Variants in PGBD5 observed in about 807,000 individuals in gnomAD.
PGBD5 encodes the protein piggyBac transposable element derived 5.
PGBD5 carries 14 observed loss-of-function variants against 47.9 expected under a neutral mutation model. The observed-to-expected ratio is 0.29, with a 90% CI of 0.19 to 0.46. The LOEUF (loss-of-function observed/expected upper bound fraction) is 0.46, where lower values mean the gene tolerates loss of function less well. Among genes scored for constraint, PGBD5 ranks in the 20% least tolerant of loss-of-function variants. PGBD5 has a pLI of 1.00. For synonymous variants in PGBD5, 316 were observed against 306.3 expected (o/e 1.03, Z -0.33); for missense variants, 635 against 716.0 (o/e 0.89, Z 1.29).
intron 3 of PGBD5, among the ~76,000 whole-genome samples, chr1:230,339,843 T>C (rs368536602): frequency 7.9e-5 from 12 of 152,028 alleles, no homozygotes; most frequent in African/African-American, 2.4e-4. Context: ...GGCTGGGGGA[T>C]GGAAGTGGGA....
chr1:230,397,209 C>T (rs1352743177), intron 1 of PGBD5, among the ~76,000 whole-genome samples: 4 of 152,236 alleles, frequency 2.6e-5, no homozygotes, highest in African/African-American at 4.8e-5. Flanking sequence ...CCCACTGTTC[C>T]CGCTCAGAAA....
At chr1:230,408,622 GT>G (rs1216700557) in intron 1 of PGBD5, among the ~76,000 whole-genome samples, 3 of 152,052 alleles carry the variant, frequency 2.0e-5, no homozygotes, top group Admixed American at 6.6e-5. Flanking sequence ...GGGAAAAGCA[GT>G]TTTTTTCAAT....
chr1:230,408,932 A>G (rs1403471372), intron 1 of PGBD5, among the ~76,000 whole-genome samples: 1 of 152,200 alleles, frequency 6.6e-6, no homozygotes, highest in Non-Finnish European at 1.5e-5. Flanking sequence ...ACTAAATGGA[A>G]GAAAAAACTT....
rs1666941636 is a variant in PGBD5 at position 230,316,080 on chromosome 1, ATG to A, written c.*7343_*7344del. ...TATGTATGTGTATACATACATGTTT[ATG>A]TGTATACATACATATGTTTATGTGT... On this transcript the variant is annotated 3_prime_UTR_variant, in exon 7 of 7. Transcript: ENST00000391860. 7.1e-6 allele frequency: 1 copy of A among 140,306 alleles called. No homozygotes were observed. The highest frequency in any genetic ancestry group is 2.6e-5 in the African/African-American group (1 of 38,712). 8.7% of individuals were successfully genotyped at this position (140,306 alleles called of 1,614,324 possible).
At chr1:230,391,809 C>T (rs530885002) in intron 1 of PGBD5, among the ~76,000 whole-genome samples, 3 of 152,148 alleles carry the variant, frequency 2.0e-5, no homozygotes, top group African/African-American at 7.2e-5. Flanking sequence ...ATTAAGCAGC[C>T]CCAAACACCT....
Position 230,333,019 on chromosome 1 carries a change from G to A in PGBD5, c.1098C>T (p.Leu366=). ...CGGTGCAGTCACTCTTCCGCGCGCG[G>A]AGCAAGCCGCAGCAGTAAATCCCTG... ...EKQGIYCCGL[L]RARKSDCTGL... Residue 366 remains leucine (L), a synonymous_variant, in exon 5 of 7, where the codon CTC becomes CTT. Transcript: ENST00000391860. The A allele has an allele frequency of 1.2e-6, 2 of 1,603,812 alleles. No individual in the cohort carries two copies. Among genetic ancestry groups the A allele is most frequent in the African/African-American group, 1.3e-5 (1 of 74,990 alleles).
chr1:230,334,853 G>T (rs1667277239), intron 4 of PGBD5, among the ~76,000 whole-genome samples: 1 of 152,104 alleles, frequency 6.6e-6, no homozygotes, highest in Admixed American at 6.5e-5. Context: ...TTTTCTTCCA[G>T]CTAGAAGATT....
Position 230,325,292 on chromosome 1 carries a change from AG to A in PGBD5, c.1379+17del. 1.9e-6 allele frequency: 3 copies of A among 1,577,516 alleles called. No homozygotes were observed. Among genetic ancestry groups the A allele is most frequent in the Non-Finnish European group, 2.6e-6 (3 of 1,149,654 alleles). On this transcript the variant is annotated intron_variant, in intron 6 of 6. Transcript: ENST00000391860. ...AACTATGAGAGCCCTTCTGTCATGG[AG>A]GTGCCCAGCCACTTACTTGCTGTAT... is the stretch of plus-strand genomic sequence containing the variant.
chr1:230,339,756 A>G (rs973655238), intron 3 of PGBD5, among the ~76,000 whole-genome samples: 3 of 152,246 alleles, frequency 2.0e-5, no homozygotes, highest in Non-Finnish European at 4.4e-5. Flanking sequence ...GAGCACAGGA[A>G]GAGAAACACT....
Position 230,333,025 on chromosome 1 carries a change from G to A in PGBD5, c.1092C>T (p.Gly364=). 1 of 1,601,088 alleles carries A rather than the reference G, an allele frequency of 6.2e-7. No homozygotes were observed. The highest frequency in any genetic ancestry group is 1.8e-5 in the Admixed American group (1 of 56,538). ...AGTCACTCTTCCGCGCGCGGAGCAA[G>A]CCGCAGCAGTAAATCCCTGAGGGGA... ...EFEKQGIYCC[G]LLRARKSDCT... The change falls in exon 5 of 7, where the codon GGC becomes GGT. Residue 364 remains glycine, a synonymous_variant. Coordinates refer to ENST00000391860, the MANE Select transcript of PGBD5 (RefSeq NM_001258311.2).
At position 230,321,155 on chromosome 1, in the gene PGBD5, C is replaced by A. The variant is rs529962642; in HGVS notation, c.*2270G>T. ...CTGCTAGTGTCTTCAATGAAACAGG[C>A]ACCTCAAATACAACTGCACTCATAC... On this transcript the variant is annotated 3_prime_UTR_variant, in exon 7 of 7. Transcript: ENST00000391860. 49 of 152,320 alleles carry A rather than the reference C, an allele frequency of 3.2e-4. No individual in the cohort carries two copies. Among genetic ancestry groups the A allele is most frequent in the African/African-American group, 1.1e-3 (47 of 41,564 alleles). The allele number at this position is 152,320 out of a possible 1,614,324, so 9.4% of individuals were successfully genotyped here. A position where few individuals can be genotyped will look rare whatever the true frequency, so the allele number is the denominator to read the frequency against.
At chr1:230,414,199 C>G (rs1034769274) in intron 1 of PGBD5, among the ~76,000 whole-genome samples, 1 of 152,116 alleles carries the variant, frequency 6.6e-6, no homozygotes, top group African/African-American at 2.4e-5. Flanking sequence ...TGGAGTCACC[C>G]CTCTGGGAGA....
At chr1:230,367,590 C>A (rs1396049293) in intron 1 of PGBD5, among the ~76,000 whole-genome samples, 1 of 152,058 alleles carries the variant, frequency 6.6e-6, no homozygotes, top group South Asian at 2.1e-4. Context: ...CCCAGCTACT[C>A]GAGAGGCTGA....
rs1666982550 is a variant in PGBD5 at position 230,318,466 on chromosome 1, T to G, written c.*4959A>C. The G allele has an allele frequency of 6.6e-6, 1 of 152,342 alleles. No homozygotes were observed. The highest frequency in any genetic ancestry group is 1.5e-5 in the Non-Finnish European group (1 of 68,146). 9.4% of individuals were successfully genotyped at this position (152,342 alleles called of 1,614,324 possible). On this transcript the variant is annotated 3_prime_UTR_variant, in exon 7 of 7. Transcript: ENST00000391860. ...GGAGAGATTTCTTCACAGACAGAAC[T>G]GTTTTCCAAAGCAAGCTGCAGAGGC... is the stretch of plus-strand genomic sequence containing the variant.
chr1:230,420,847 C>T (rs11122512), intron 1 of PGBD5, among the ~76,000 whole-genome samples: 23,334 of 151,930 alleles, frequency 0.15, 2,350 homozygotes, highest in Admixed American at 0.31. Flanking sequence ...TATATGTAAC[C>T]TGTTAATAAG....
chr1:230,355,896 G>A lies in PGBD5; in HGVS notation c.759+998C>T, dbSNP rs183364342. Among the ~76,000 whole-genome samples, 1,426 of 152,266 alleles carry A rather than the reference G, an allele frequency of 9.4e-3. 9 individuals carry two copies. Among genetic ancestry groups the A allele is most frequent in the Admixed American group, 0.014 (213 of 15,294 alleles). ...GAGAATGTAAGGCTCCCACAGACAC[G>A]AAATAGGGCACTGCCTTCCCCACAA... On this transcript the variant is annotated intron_variant, in intron 2 of 6. Transcript: ENST00000391860.
intron 4 of PGBD5, among the ~76,000 whole-genome samples, chr1:230,335,028 GAC>G (rs113524416): frequency 1.9e-4 from 27 of 142,154 alleles, no homozygotes; most frequent in African/African-American, 5.3e-4. Flanking sequence ...ACTCGACACA[GAC>G]ACACACACAC....
At chr1:230,359,666 G>C (rs752577991) in intron 1 of PGBD5, among the ~76,000 whole-genome samples, 1 of 152,192 alleles carries the variant, frequency 6.6e-6, no homozygotes, top group Non-Finnish European at 1.5e-5. Flanking sequence ...TTGTCATGCA[G>C]CGTGAAATAA....
rs1667656937 is a variant in PGBD5 at position 230,356,965 on chromosome 1, A to G, written c.688T>C (p.Tyr230His). The G allele has an allele frequency of 6.2e-7, 1 of 1,614,082 alleles. No individual in the cohort carries two copies. Among genetic ancestry groups the G allele is most frequent in the African/African-American group, 1.3e-5 (1 of 74,916 alleles). The change falls in exon 2 of 7, where the codon TAC becomes CAC. Residue 230 changes from tyrosine (Y) to histidine (H), a missense_variant. Physicochemically the swap from Tyr to His is moderately conservative, Grantham distance 83. Coordinates refer to ENST00000391860, the MANE Select transcript of PGBD5 (RefSeq NM_001258311.2). ...FRSSQTTHGLYKVQPFLDSLQ... is the reference protein window; with the variant it reads ...FRSSQTTHGLHKVQPFLDSLQ... ...GAGTCGAGGAAGGGCTGGACCTTGT[A>G]GAGCCCGTGCGTGGTCTGGCTGGAG...
Sources: gnomAD v4.1 joint callset for allele counts (sites outside exome capture counted in the v4.1 genomes callset) on GRCh38, gnomAD v4.1.1 for gene constraint, MANE v1.5 for transcripts, NCBI Gene and HGNC (gene_info 2026-07-23, HGNC 2026-07-21) for gene names.